Variants in MTHFSD observed in about 807,000 individuals in gnomAD.
MTHFSD encodes methenyltetrahydrofolate synthetase domain containing, also known as methenyltetrahydrofolate synthase domain-containing protein.
Under a neutral mutation model 31.1 loss-of-function variants are expected in MTHFSD, and 37 were observed. The observed-to-expected ratio is 1.19, with a 90% CI of 0.91 to 1.56. MTHFSD has a LOEUF of 1.56. Ranked by LOEUF, MTHFSD falls within the 40% of genes most tolerant of loss-of-function variation. The pLI, the probability that MTHFSD is intolerant of heterozygous loss-of-function variation, is 0.00. For synonymous variants in MTHFSD, 221 were observed against 206.9 expected, an observed-to-expected ratio of 1.07 and a Z score of -0.59; for missense variants, 664 against 510.1, an observed-to-expected ratio of 1.30 and a Z score of -2.91.
At chr16:86,547,215 C>A in intron 4 of MTHFSD, 2 of 986,052 alleles carry the variant, frequency 2.0e-6, no homozygotes, top group Non-Finnish European at 2.4e-6. Context: ...ATACTCGCTT[C>A]TAAAAAATTA....
Sources: gnomAD v4.1 joint callset for allele counts on GRCh38, gnomAD v4.1.1 for gene constraint, MANE v1.5 for transcripts, NCBI Gene and HGNC (gene_info 2026-07-23, HGNC 2026-07-21) for gene names.